The following NBAS variants were observed in gnomAD, a reference collection of about 807,000 sequenced individuals.
The protein encoded by NBAS is NBAS subunit of NRZ tethering complex, also known as NAG/BC035112 fusion.
A neutral mutation model predicts 302.5 loss-of-function variants in NBAS; 219 were observed. The observed-to-expected ratio is 0.72, with a 90% CI of 0.65 to 0.81. The LOEUF (loss-of-function observed/expected upper bound fraction) is 0.81, where lower values mean the gene tolerates loss of function less well. Among genes scored for constraint, NBAS ranks in the 30% least tolerant of loss-of-function variants. The probability of loss-of-function intolerance (pLI) is 0.00; values close to 1 mark genes in which losing one functional copy is unlikely to be tolerated. For synonymous variants in NBAS, 1,118 were observed against 1,021.6 expected (o/e 1.09, Z -1.80); for missense variants, 2,932 against 2,841.6 (o/e 1.03, Z -0.72).
chr2:15,414,443 T>C (rs1458436918), intron 25 of NBAS, among the ~76,000 whole-genome samples: 1 of 152,188 alleles, frequency 6.6e-6, no homozygotes, highest in East Asian at 1.9e-4. Context: ...CTTGCTTGCA[T>C]ACCCTCCAAT....
chr2:15,326,160 C>T (rs372928102), intron 38 of NBAS, among the ~76,000 whole-genome samples: 25 of 152,158 alleles, frequency 1.6e-4, no homozygotes, highest in African/African-American at 4.6e-4. Flanking sequence ...ACAATAATAA[C>T]GAAAAAGTTT....
chr2:15,190,862 G>A (rs1028612989), intron 48 of NBAS, among the ~76,000 whole-genome samples: 4 of 152,156 alleles, frequency 2.6e-5, no homozygotes, highest in Admixed American at 1.3e-4. Context: ...TTTTACTAAA[G>A]TGTATCTGTC....
At chr2:15,144,253 C>G in the NBAS span, among the ~76,000 whole-genome samples, 16 of 151,810 alleles carry the variant, frequency 1.1e-4, no homozygotes, top group African/African-American at 3.6e-4. Context: ...CTCCTACAGC[C>G]CGAGTATGGC....
chr2:15,336,443 C>A (rs1464778428), intron 35 of NBAS, among the ~76,000 whole-genome samples: 1 of 152,072 alleles, frequency 6.6e-6, no homozygotes, highest in Non-Finnish European at 1.5e-5. Flanking sequence ...TTTCACAGGT[C>A]TCATTTGTGG....
intron 36 of NBAS, among the ~76,000 whole-genome samples, chr2:15,328,593 T>C (rs1187540296): frequency 2.0e-5 from 3 of 152,170 alleles, no homozygotes; most frequent in Admixed American, 2.0e-4. Context: ...ATCAATGAAT[T>C]AGAAACACTG....
At chr2:15,491,691 G>A (rs1274444221) in intron 11 of NBAS, among the ~76,000 whole-genome samples, 11 of 151,638 alleles carry the variant, frequency 7.3e-5, no homozygotes, top group African/African-American at 1.2e-4. Flanking sequence ...AGCTGAGATC[G>A]TGCCACTGCA....
chr2:15,292,456 T>G, intron 41 of NBAS, 81 bp downstream of exon 41: 9 of 1,429,522 alleles, frequency 6.3e-6, no homozygotes, highest in Non-Finnish European at 8.8e-6. Flanking sequence ...TTCAAAGGAC[T>G]GAAATTAATA....
the NBAS span, among the ~76,000 whole-genome samples, chr2:15,147,569 G>A: frequency 6.6e-6 from 1 of 152,106 alleles, no homozygotes; most frequent in Non-Finnish European, 1.5e-5. Flanking sequence ...TCCAGCCTGG[G>A]CAACAAGAGC....
At chr2:15,259,529 T>C (rs889138597) in intron 44 of NBAS, among the ~76,000 whole-genome samples, 1 of 152,226 alleles carries the variant, frequency 6.6e-6, no homozygotes, top group Non-Finnish European at 1.5e-5. Flanking sequence ...CTTGCAATTA[T>C]AATCCTTTCT....
At chr2:15,101,474 G>C in the NBAS span, among the ~76,000 whole-genome samples, 3 of 80,106 alleles carry the variant, frequency 3.7e-5, no homozygotes, top group African/African-American at 5.2e-5. Context: ...TTACAATATA[G>C]TAATATATAA....
At chr2:14,847,831 T>C in the NBAS span, among the ~76,000 whole-genome samples, 194 of 152,316 alleles carry the variant, frequency 1.3e-3, 1 homozygote, top group Middle Eastern at 0.014. Context: ...AGAATATACA[T>C]GCTTTTTCTC....
At chr2:15,224,818 C>T (rs910523176) in intron 47 of NBAS, among the ~76,000 whole-genome samples, 28 of 152,130 alleles carry the variant, frequency 1.8e-4, no homozygotes, top group Admixed American at 1.6e-3. Context: ...ATGTAGGTCC[C>T]GTGCCTCCAT....
the NBAS span, among the ~76,000 whole-genome samples, chr2:14,783,736 T>A: frequency 6.6e-6 from 1 of 152,012 alleles, no homozygotes; most frequent in East Asian, 1.9e-4. Context: ...GACATTTGGG[T>A]TGGTTCCAAG....
At chr2:15,444,892 A>T (rs1170542814) in intron 21 of NBAS, among the ~76,000 whole-genome samples, 1 of 152,034 alleles carries the variant, frequency 6.6e-6, no homozygotes, top group Non-Finnish European at 1.5e-5. Flanking sequence ...CAGCCAAAAA[A>T]CACATGAAAA....
At chr2:14,849,554 C>G in the NBAS span, among the ~76,000 whole-genome samples, 1 of 150,976 alleles carries the variant, frequency 6.6e-6, no homozygotes, top group South Asian at 2.1e-4. Context: ...GGCAGGCCAA[C>G]GTTCAGATTC....
At chr2:15,274,851 G>A (rs543841735) in intron 44 of NBAS, among the ~76,000 whole-genome samples, 11 of 151,916 alleles carry the variant, frequency 7.2e-5, no homozygotes, top group African/African-American at 1.9e-4. Flanking sequence ...TCCAACCTCC[G>A]TTTCGTAGGT....
At chr2:15,437,805 A>T (rs1038751941) in intron 21 of NBAS, among the ~76,000 whole-genome samples, 3 of 152,238 alleles carry the variant, frequency 2.0e-5, no homozygotes, top group Non-Finnish European at 4.4e-5. Context: ...CAAGAAACAC[A>T]AAAATAGACC....
chr2:15,296,092 A>G (rs1257169927), intron 40 of NBAS, among the ~76,000 whole-genome samples: 1 of 152,196 alleles, frequency 6.6e-6, no homozygotes, highest in Non-Finnish European at 1.5e-5. Flanking sequence ...GACTTACACA[A>G]TCATAAGCCA....
At chr2:15,049,286 G>A in the NBAS span, among the ~76,000 whole-genome samples, 3 of 152,222 alleles carry the variant, frequency 2.0e-5, no homozygotes, top group Non-Finnish European at 2.9e-5. Flanking sequence ...TTGGCCACCT[G>A]CAAGGCCACC....
Sources: allele counts gnomAD v4.1 joint callset (sites outside exome capture counted in the v4.1 genomes callset), GRCh38; gene constraint gnomAD v4.1.1; transcripts MANE v1.5; gene names NCBI Gene and HGNC (gene_info 2026-07-23, HGNC 2026-07-21).